The following PCDHGA3 variants were observed in gnomAD, a reference collection of about 807,000 sequenced individuals.
PCDHGA3 encodes the protein protocadherin gamma-A3.
PCDHGA3 carries 40 observed loss-of-function variants against 58.5 expected under a neutral mutation model. The observed-to-expected ratio is 0.68, with a 90% confidence interval of 0.53 to 0.89. PCDHGA3 has a LOEUF of 0.89. PCDHGA3 is among the 40% of genes least tolerant of loss of function. The probability of loss-of-function intolerance (pLI) is 0.00; values close to 1 mark genes in which losing one functional copy is unlikely to be tolerated. For synonymous variants in PCDHGA3, 530 were observed against 525.7 expected (o/e 1.01, Z -0.11); for missense variants, 1,223 against 1,195.9 (o/e 1.02, Z -0.33).
At chr5:141,505,308 G>A in intron 2 of PCDHGA3, 85 bp from the exon 3 acceptor site, 1 of 1,598,660 alleles carries the variant, frequency 6.3e-7, no homozygotes, top group Non-Finnish European at 8.5e-7. Flanking sequence ...TAGGGTACTA[G>A]GTTTGGGAGC....
intron 1 of PCDHGA3, chr5:141,418,471 G>A (rs199547102): frequency 1.9e-6 from 3 of 1,614,002 alleles, no homozygotes; most frequent in South Asian, 2.2e-5. Flanking sequence ...ACCGAGAAAC[G>A]CAGAGCGCTC....
chr5:141,357,274 T>C, intron 1 of PCDHGA3: 7 of 1,613,774 alleles, frequency 4.3e-6, no homozygotes, highest in Non-Finnish European at 5.1e-6. Context: ...CCTCACACTC[T>C]ATCTCGTGGT....
Position 141,400,401 on chromosome 5 carries a change from G to A in PCDHGA3, c.2424+53944G>A, listed in dbSNP as rs760681088. 4 of 1,613,936 alleles carry A rather than the reference G, an allele frequency of 2.5e-6. No homozygotes were observed. The South Asian group carries it at 4.4e-5, about 18-fold the overall frequency. ...TATGTGTTGCACATACAGGAAAGAC[G>A]GAGTTTAATTTCCTAAAATGTAGTG... On this transcript the variant is annotated intron_variant, in intron 1 of 3. Transcript: ENST00000253812.
chr5:141,476,556 C>G lies in PCDHGA3; in HGVS notation c.2425-18251C>G. On this transcript the variant is annotated intron_variant, in intron 1 of 3. Transcript: ENST00000253812. This position sits in a 1 kb window ranked among gnomAD's most constrained non-coding sequence, Gnocchi z 7.6. ...GAAATGAAATTGGAGATTAGCGAGG[C>G]CGTGGCTCCGGGGACGCGCTTTCCG... The G allele has an allele frequency of 6.2e-7, 1 of 1,614,234 alleles. No homozygotes were observed. The highest frequency in any genetic ancestry group is 8.5e-7 in the Non-Finnish European group (1 of 1,180,036).
chr5:141,415,355 G>A (rs1200011688), intron 1 of PCDHGA3: 2 of 1,614,210 alleles, frequency 1.2e-6, no homozygotes, highest in Non-Finnish European at 1.7e-6. Context: ...CACAAGTCAC[G>A]CCTGCTGCAG....
chr5:141,377,969 A>G (rs1165356824), intron 1 of PCDHGA3: 1 of 152,202 alleles, frequency 6.6e-6, no homozygotes, highest in African/African-American at 2.4e-5. Context: ...ACTTGAATCT[A>G]TGTTCCTGGG....
Position 141,423,275 on chromosome 5 carries a change from C to T in PCDHGA3, c.2425-71532C>T. 1.2e-6 allele frequency: 2 copies of T among 1,614,012 alleles called. No homozygotes were observed. The highest frequency in any genetic ancestry group is 1.7e-6 in the Non-Finnish European group (2 of 1,179,970). ...GACCTCGGCAGCCTCGAGTCTCTGGCTAACTCTGAAACCTCAGACCTCTCG... is the reference window on the plus strand; with the variant it reads ...GACCTCGGCAGCCTCGAGTCTCTGGTTAACTCTGAAACCTCAGACCTCTCG... On this transcript the variant is annotated intron_variant, in intron 1 of 3. Transcript: ENST00000253812.
At position 141,431,134 on chromosome 5, in the gene PCDHGA3, C is replaced by T; in HGVS notation, c.2425-63673C>T. 1 of 1,614,212 alleles carries T rather than the reference C, an allele frequency of 6.2e-7. No homozygotes were observed. The highest frequency in any genetic ancestry group is 2.2e-5 in the East Asian group (1 of 44,890). On this transcript the variant is annotated intron_variant, in intron 1 of 3. Coordinates refer to ENST00000253812, the MANE Select transcript of PCDHGA3 (RefSeq NM_018916.4). This position sits in a 1 kb window ranked among gnomAD's most constrained non-coding sequence, Gnocchi z 4.8. ...ATGGAGTAGAAGTAGAAGTAAGGGA[C>T]ATTAACGACAATGCGCCTTACTTTC...
intron 1 of PCDHGA3, chr5:141,372,285 A>C (rs1588702702): frequency 6.2e-7 from 1 of 1,613,032 alleles, no homozygotes; most frequent in Non-Finnish European, 8.5e-7. Flanking sequence ...CACGGCGCGT[A>C]CCTTGGGCGA....
At position 141,459,173 on chromosome 5, in the gene PCDHGA3, AG is replaced by A. The variant is rs370401072; in HGVS notation, c.2425-35633del. Among the ~76,000 whole-genome samples the A allele has an allele frequency of 3.1e-3, 479 of 152,326 alleles. 10 individuals carry two copies. In the South Asian group the frequency reaches 0.063, roughly 20 times the overall value. ...ATAGAACATTTCTATAACCTTCAAA[AG>A]TTCCCTCATGCCCCTTTGCAATCAA... On this transcript the variant is annotated intron_variant, in intron 1 of 3. Coordinates refer to ENST00000253812, the MANE Select transcript of PCDHGA3 (RefSeq NM_018916.4).
At position 141,490,148 on chromosome 5, in the gene PCDHGA3, A is replaced by G. The variant is rs2154582223; in HGVS notation, c.2425-4659A>G. The G allele has an allele frequency of 1.2e-6, 2 of 1,614,232 alleles. No homozygotes were observed. The highest frequency in any genetic ancestry group is 4.5e-5 in the East Asian group (2 of 44,888). On this transcript the variant is annotated intron_variant, in intron 1 of 3. Coordinates refer to ENST00000253812, the MANE Select transcript of PCDHGA3 (RefSeq NM_018916.4). The surrounding 1 kb of genome is among the most constrained non-coding windows in gnomAD (Gnocchi z 5.4). The stretch of plus-strand genomic sequence containing the variant: ...CTAGACCCTAGCAGTGGGGCAATCC[A>G]TGTGTTGGGTCCCATAGACTTTGAG...
At position 141,511,248 on chromosome 5, in the gene PCDHGA3, C is replaced by T; in HGVS notation, c.*75C>T. ...AGCTTCTCCTTACCTGCACCCAGGC[C>T]TCAGAGTTTCAGGGCTAACCCCCAG... On this transcript the variant is annotated 3_prime_UTR_variant, in exon 4 of 4. Transcript: ENST00000253812. 6.4e-7 allele frequency: 1 copy of T among 1,574,736 alleles called. No homozygotes were observed. The highest frequency in any genetic ancestry group is 8.6e-7 in the Non-Finnish European group (1 of 1,160,336).
chr5:141,351,063 A>G (rs762319245), intron 1 of PCDHGA3: 3 of 1,613,950 alleles, frequency 1.9e-6, no homozygotes, highest in Non-Finnish European at 2.5e-6. Flanking sequence ...GACCAGGATG[A>G]GGGCATTAAT....
At chr5:141,447,280 C>T (rs2098533193) in intron 1 of PCDHGA3, among the ~76,000 whole-genome samples, 1 of 152,172 alleles carries the variant, frequency 6.6e-6, no homozygotes, top group Non-Finnish European at 1.5e-5. Context: ...GCTGGGACTA[C>T]AGGCACATGC....
At chr5:141,375,275 GT>G in intron 1 of PCDHGA3, 3 of 1,613,902 alleles carry the variant, frequency 1.9e-6, no homozygotes, top group Non-Finnish European at 1.7e-6. Flanking sequence ...GGAAAAATCA[GT>G]TGGCAATTAT....
At chr5:141,356,380 C>T (rs1323995819) in intron 1 of PCDHGA3, 6 of 1,566,080 alleles carry the variant, frequency 3.8e-6, no homozygotes, top group Non-Finnish European at 5.2e-6. Context: ...GCCATTCACA[C>T]TTGAAAAGAC....
chr5:141,472,556 T>A (rs2099287889), intron 1 of PCDHGA3, among the ~76,000 whole-genome samples: 1 of 151,628 alleles, frequency 6.6e-6, no homozygotes, highest in South Asian at 2.1e-4. Flanking sequence ...AAAAAAATTA[T>A]ATTATAAATG....
intron 1 of PCDHGA3, among the ~76,000 whole-genome samples, chr5:141,492,641 G>A (rs2099742804): frequency 6.6e-6 from 1 of 152,226 alleles, no homozygotes; most frequent in African/African-American, 2.4e-5. Flanking sequence ...ACGATCCTTG[G>A]GCCAGAGGTC....
intron 1 of PCDHGA3, chr5:141,426,568 C>T: frequency 5.6e-6 from 2 of 354,402 alleles, no homozygotes; most frequent in Non-Finnish European, 5.6e-6. Flanking sequence ...TCGAGAGTCA[C>T]TGTCTTCAAA....
Sources: gnomAD v4.1 joint callset for allele counts (sites outside exome capture counted in the v4.1 genomes callset) on GRCh38, gnomAD v4.1.1 for gene constraint, Gnocchi (gnomAD v3.1) non-coding constraint, MANE v1.5 for transcripts, NCBI Gene and HGNC (gene_info 2026-07-23, HGNC 2026-07-21) for gene names.